The following CWC27 variants were observed in gnomAD, a reference collection of about 807,000 sequenced individuals.
The protein encoded by CWC27 is spliceosome-associated protein CWC27 homolog.
A neutral mutation model predicts 63.6 loss-of-function variants in CWC27; 47 were observed. That is an observed-to-expected ratio of 0.74 (90% CI 0.58 to 0.94). The LOEUF (loss-of-function observed/expected upper bound fraction) is 0.94, where lower values mean the gene tolerates loss of function less well. Among genes scored for constraint, CWC27 ranks in the 40% least tolerant of loss-of-function variants. The probability of loss-of-function intolerance (pLI) is 0.00; values close to 1 mark genes in which losing one functional copy is unlikely to be tolerated. For missense variants in CWC27, 495 were observed against 554.3 expected (o/e 0.89, Z 1.07); for synonymous variants, 175 against 179.8 (o/e 0.97, Z 0.22).
chr5:64,861,637 C>A (rs12657262), intron 10 of CWC27, among the ~76,000 whole-genome samples: 55,171 of 151,902 alleles, frequency 0.36, 10,592 homozygotes, highest in East Asian at 0.51. Flanking sequence ...TTACATTTTG[C>A]CACATTAACC....
At chr5:64,908,910 A>G (rs549364250) in intron 11 of CWC27, among the ~76,000 whole-genome samples, 2 of 152,204 alleles carry the variant, frequency 1.3e-5, no homozygotes, top group South Asian at 4.2e-4. Context: ...TTATGTGTGA[A>G]TTTCATCCTG....
intron 9 of CWC27, 87 bp from the exon 10 acceptor site, chr5:64,804,142 A>G: frequency 8.2e-7 from 1 of 1,215,078 alleles, no homozygotes; most frequent in South Asian, 1.7e-5. Flanking sequence ...TTAGAATGCA[A>G]TAAGGAGATT....
chr5:64,966,836 A>G (rs1043686303), intron 11 of CWC27, among the ~76,000 whole-genome samples: 4 of 152,132 alleles, frequency 2.6e-5, no homozygotes, highest in Admixed American at 6.5e-5. Context: ...AAGAGGCTTC[A>G]TTATACCATT....
intron 11 of CWC27, among the ~76,000 whole-genome samples, chr5:64,955,620 G>GC (rs1748789778): frequency 6.6e-6 from 1 of 152,072 alleles, no homozygotes; most frequent in African/African-American, 2.4e-5. Flanking sequence ...ATGGAGCATA[G>GC]TTGGATGAGC....
At chr5:64,808,111 G>A (rs1744752260) in intron 10 of CWC27, 1 of 1,119,562 alleles carries the variant, frequency 8.9e-7, no homozygotes, top group Non-Finnish European at 1.1e-6. Context: ...TGAAGCAGTA[G>A]CATTAGTATC....
At position 64,975,265 on chromosome 5, in the gene CWC27, T is replaced by C. The variant is rs539899494; in HGVS notation, c.1153-1870T>C. Among the ~76,000 whole-genome samples, 6 of 152,346 alleles carry C rather than the reference T, an allele frequency of 3.9e-5. No homozygotes were observed. In the South Asian group the frequency reaches 1.2e-3, roughly 32 times the overall value. ...TGAGTTCTAGATTGCCCAGACCTAC[T>C]TAACTTTTTCATGAACTGTGATCTT... On this transcript the variant is annotated intron_variant, in intron 12 of 13. Coordinates refer to ENST00000381070, the MANE Select transcript of CWC27 (RefSeq NM_005869.4).
At chr5:64,788,907 G>A in intron 6 of CWC27, 44 bp from the exon 7 acceptor site, 1 of 1,340,786 alleles carries the variant, frequency 7.5e-7, no homozygotes, top group Non-Finnish European at 1.0e-6. Flanking sequence ...AGTTTGATTT[G>A]ACTTTCTCTT....
At chr5:64,851,225 A>C (rs1746127049) in intron 10 of CWC27, among the ~76,000 whole-genome samples, 1 of 152,238 alleles carries the variant, frequency 6.6e-6, no homozygotes, top group African/African-American at 2.4e-5. Context: ...TCAGCTTTGC[A>C]AAAGAAGGAA....
At chr5:64,975,854 C>G (rs891940931) in intron 12 of CWC27, among the ~76,000 whole-genome samples, 4 of 152,116 alleles carry the variant, frequency 2.6e-5, no homozygotes, top group Admixed American at 6.5e-5. Flanking sequence ...CACTTGAGGT[C>G]AGGAATTGGA....
At chr5:64,989,184 C>T (rs1392047849) in intron 13 of CWC27, among the ~76,000 whole-genome samples, 1 of 152,198 alleles carries the variant, frequency 6.6e-6, no homozygotes, top group East Asian at 1.9e-4. Context: ...CTTGGGGCCA[C>T]AGCTTCTCAG....
chr5:64,896,622 C>A (rs1747382680), intron 11 of CWC27, among the ~76,000 whole-genome samples: 1 of 147,718 alleles, frequency 6.8e-6, no homozygotes, highest in Non-Finnish European at 1.5e-5. Context: ...AAACTACTAA[C>A]AGGATAAGGA....
intron 10 of CWC27, among the ~76,000 whole-genome samples, chr5:64,870,402 G>A (rs1317783288): frequency 6.6e-6 from 1 of 150,916 alleles, no homozygotes; most frequent in African/African-American, 2.4e-5. Context: ...ACGTAATATA[G>A]TCACTCCAAA....
Position 64,869,854 on chromosome 5 carries a change from A to AT in CWC27, c.939-15580dup, listed in dbSNP as rs994764368. ...GAGAGGAAAGAAAACTCAGTTTGGGATTTTTTTTTCCCCTTAAAGTAGGAG... is the reference window on the plus strand; with the variant it reads ...GAGAGGAAAGAAAACTCAGTTTGGGATTTTTTTTTTCCCCTTAAAGTAGGAG... On this transcript the variant is annotated intron_variant, in intron 10 of 13. Coordinates refer to ENST00000381070, the MANE Select transcript of CWC27 (RefSeq NM_005869.4). Among the ~76,000 whole-genome samples, 157 of 151,578 alleles carry AT rather than the reference A, an allele frequency of 1.0e-3. 2 individuals carry two copies. Among genetic ancestry groups the AT allele is most frequent in the Admixed American group, 8.6e-3 (130 of 15,170 alleles).
intron 10 of CWC27, among the ~76,000 whole-genome samples, chr5:64,869,400 T>G (rs772846055): frequency 5.9e-5 from 9 of 152,092 alleles, no homozygotes; most frequent in Non-Finnish European, 1.2e-4. Flanking sequence ...CCAAAGTGCT[T>G]TTCCTGGCTC....
At chr5:64,799,798 G>T (rs377122373) in intron 7 of CWC27, among the ~76,000 whole-genome samples, 2 of 151,802 alleles carry the variant, frequency 1.3e-5, no homozygotes, top group African/African-American at 4.8e-5. Context: ...TTGGTAAGTA[G>T]TTCCTCGGGG....
intron 11 of CWC27, among the ~76,000 whole-genome samples, chr5:64,951,693 T>C (rs769378344): frequency 6.6e-6 from 1 of 151,984 alleles, no homozygotes; most frequent in Non-Finnish European, 1.5e-5. Context: ...TTTCTTCATA[T>C]ATAGATTTCT....
At chr5:64,794,227 A>G (rs1184123662) in intron 7 of CWC27, among the ~76,000 whole-genome samples, 1 of 152,152 alleles carries the variant, frequency 6.6e-6, no homozygotes, top group Non-Finnish European at 1.5e-5. Context: ...AGACTCTCTC[A>G]TGATATTCTT....
At chr5:64,978,806 G>T (rs569638552) in intron 13 of CWC27, among the ~76,000 whole-genome samples, 1 of 152,094 alleles carries the variant, frequency 6.6e-6, no homozygotes, top group Non-Finnish European at 1.5e-5. Flanking sequence ...ATGGTGTTTT[G>T]TAAGAGCAGT....
chr5:64,827,433 TA>T (rs1374999520), intron 10 of CWC27, among the ~76,000 whole-genome samples: 2 of 152,104 alleles, frequency 1.3e-5, no homozygotes, highest in South Asian at 2.1e-4. Flanking sequence ...AACTTGACTA[TA>T]AAAAAAGGAC....
Sources: gnomAD v4.1 joint callset for allele counts (sites outside exome capture counted in the v4.1 genomes callset) on GRCh38, gnomAD v4.1.1 for gene constraint, MANE v1.5 for transcripts, NCBI Gene and HGNC (gene_info 2026-07-23, HGNC 2026-07-21) for gene names.